The following LRRTM4 variants were observed in gnomAD, a reference collection of about 807,000 sequenced individuals.
The protein encoded by LRRTM4 is leucine-rich repeat transmembrane neuronal protein 4.
LRRTM4 carries 25 observed loss-of-function variants against 47.6 expected under a neutral mutation model. That is an observed-to-expected ratio of 0.53 (90% CI 0.38 to 0.73). LRRTM4 has a LOEUF of 0.73. Among genes scored for constraint, LRRTM4 ranks in the 30% least tolerant of loss-of-function variants. LRRTM4 has a pLI of 0.00. For synonymous variants in LRRTM4, 311 were observed against 269.5 expected, an observed-to-expected ratio of 1.15 and a Z score of -1.51; for missense variants, 638 against 713.4, an observed-to-expected ratio of 0.89 and a Z score of 1.20.
At chr2:77,266,857 T>G (rs1326570215) in intron 3 of LRRTM4, among the ~76,000 whole-genome samples, 1 of 152,068 alleles carries the variant, frequency 6.6e-6, no homozygotes, top group Non-Finnish European at 1.5e-5. Context: ...CACAGAGACC[T>G]TTCCCTCTTC....
intron 3 of LRRTM4, among the ~76,000 whole-genome samples, chr2:76,935,418 T>C (rs896133226): frequency 6.6e-6 from 1 of 152,150 alleles, no homozygotes; most frequent in Non-Finnish European, 1.5e-5. Context: ...GGGAATAGCA[T>C]TGCATCTATA....
At chr2:77,165,354 C>T (rs577237769) in intron 3 of LRRTM4, among the ~76,000 whole-genome samples, 1 of 152,124 alleles carries the variant, frequency 6.6e-6, no homozygotes, top group South Asian at 2.1e-4. Context: ...CCAGGACCGA[C>T]AGATTCACAG....
intron 3 of LRRTM4, among the ~76,000 whole-genome samples, chr2:76,839,851 T>C (rs1671621058): frequency 6.6e-6 from 1 of 152,158 alleles, no homozygotes; most frequent in Non-Finnish European, 1.5e-5. Context: ...AAGTATTTGT[T>C]CCTTGGGTAT....
chr2:77,507,768 T>A lies in LRRTM4; in HGVS notation c.1551+10550A>T, dbSNP rs72813109. On this transcript the variant is annotated intron_variant, in intron 3 of 3. Coordinates refer to ENST00000409884, the MANE Select transcript of LRRTM4 (RefSeq NM_001134745.3). ...TACAGAGGAAACAGCTACTATCAAA[T>A]TGGAATCCCTAAGAGCAATGCACAA... 7.1e-3 allele frequency among the ~76,000 whole-genome samples: 1,077 copies of A among 152,184 alleles called. 9 individuals carry two copies. Among genetic ancestry groups the A allele is most frequent in the Non-Finnish European group, 0.012 (843 of 68,012 alleles).
At chr2:77,370,338 T>C (rs952980534) in intron 3 of LRRTM4, among the ~76,000 whole-genome samples, 2 of 151,608 alleles carry the variant, frequency 1.3e-5, no homozygotes, top group African/African-American at 4.8e-5. Context: ...GAGTAGAAAA[T>C]AGAGAGCCCA....
chr2:77,162,381 C>G (rs754220364), intron 3 of LRRTM4, among the ~76,000 whole-genome samples: 5 of 152,312 alleles, frequency 3.3e-5, no homozygotes, highest in African/African-American at 1.2e-4. Flanking sequence ...CTTCTGTAGA[C>G]TCCACCTCTG....
intron 3 of LRRTM4, among the ~76,000 whole-genome samples, chr2:77,058,371 C>A (rs889969135): frequency 2.6e-5 from 4 of 152,022 alleles, no homozygotes; most frequent in African/African-American, 9.7e-5. Context: ...AGTCTACTGG[C>A]GAATTGGGGA....
intron 3 of LRRTM4, among the ~76,000 whole-genome samples, chr2:77,325,576 A>T (rs1373153625): frequency 6.6e-6 from 1 of 152,136 alleles, no homozygotes; most frequent in African/African-American, 2.4e-5. Flanking sequence ...AAGATATGTA[A>T]TTGGCAGTGA....
intron 3 of LRRTM4, among the ~76,000 whole-genome samples, chr2:76,814,194 ATTTG>A (rs1339895150): frequency 6.6e-6 from 1 of 152,092 alleles, no homozygotes; most frequent in Non-Finnish European, 1.5e-5. Context: ...TATTATTTCA[ATTTG>A]TTTATTTTAA....
At chr2:76,764,662 A>G (rs1673387810) in intron 3 of LRRTM4, among the ~76,000 whole-genome samples, 1 of 152,124 alleles carries the variant, frequency 6.6e-6, no homozygotes, top group South Asian at 2.1e-4. Flanking sequence ...ACAAAAAATT[A>G]TATAAACTGA....
chr2:76,902,550 T>A (rs1370795022), intron 3 of LRRTM4, among the ~76,000 whole-genome samples: 2 of 152,118 alleles, frequency 1.3e-5, no homozygotes, highest in Non-Finnish European at 2.9e-5. Flanking sequence ...TGTTAGAAAT[T>A]TGGGGGATAG....
At chr2:77,325,536 A>G (rs918638566) in intron 3 of LRRTM4, among the ~76,000 whole-genome samples, 1 of 152,176 alleles carries the variant, frequency 6.6e-6, no homozygotes, top group Non-Finnish European at 1.5e-5. Context: ...GAGAGAGAGT[A>G]GTGTGAGAGA....
chr2:76,756,766 AT>A (rs1452882822), intron 3 of LRRTM4, among the ~76,000 whole-genome samples: 1 of 152,110 alleles, frequency 6.6e-6, no homozygotes, highest in Non-Finnish European at 1.5e-5. Context: ...AGAAGCTATA[AT>A]AGAGAAAAAT....
At chr2:76,764,344 A>G (rs1317393097) in intron 3 of LRRTM4, among the ~76,000 whole-genome samples, 1 of 152,204 alleles carries the variant, frequency 6.6e-6, no homozygotes, top group African/African-American at 2.4e-5. Context: ...GAATTATATA[A>G]ACTGAGGCAG....
rs116187473 is a variant in LRRTM4, at chr2:77,411,904, A to C, written c.1551+106414T>G. Among the ~76,000 whole-genome samples, 773 of 152,230 alleles carry C rather than the reference A, an allele frequency of 5.1e-3. 9 individuals carry two copies. The highest frequency in any genetic ancestry group is 0.018 in the African/African-American group (750 of 41,536). ...AAAATCTCATCTTTATCTTTGAAGAACACTTGAACTACTGTCAGTGAGACC... is the reference window on the plus strand; with the variant it reads ...AAAATCTCATCTTTATCTTTGAAGACCACTTGAACTACTGTCAGTGAGACC... On this transcript the variant is annotated intron_variant, in intron 3 of 3. Coordinates refer to ENST00000409884, the MANE Select transcript of LRRTM4 (RefSeq NM_001134745.3).
chr2:76,879,935 A>C (rs1672881510), intron 3 of LRRTM4, among the ~76,000 whole-genome samples: 1 of 152,246 alleles, frequency 6.6e-6, no homozygotes, highest in Non-Finnish European at 1.5e-5. Flanking sequence ...CAGCGTAAGA[A>C]CTAGAGTTAA....
At position 77,093,439 on chromosome 2, in the gene LRRTM4, C is replaced by T. The variant is rs192633644; in HGVS notation, c.1552-344523G>A. Among the ~76,000 whole-genome samples the T allele has an allele frequency of 2.3e-3, 348 of 151,450 alleles. 1 individual carries two copies. Among genetic ancestry groups the T allele is most frequent in the Non-Finnish European group, 4.0e-3 (269 of 67,996 alleles). ...CCAGGCCATGACCAATCATTCTATACGACAAATGTTTCTTCTAACATCCCC... is the reference window on the plus strand; with the variant it reads ...CCAGGCCATGACCAATCATTCTATATGACAAATGTTTCTTCTAACATCCCC... On this transcript the variant is annotated intron_variant, in intron 3 of 3. Coordinates refer to ENST00000409884, the MANE Select transcript of LRRTM4 (RefSeq NM_001134745.3).
chr2:77,080,563 C>A (rs113735256), intron 3 of LRRTM4, among the ~76,000 whole-genome samples: 1,944 of 152,242 alleles, frequency 0.013, 14 homozygotes, highest in Non-Finnish European at 0.016. Flanking sequence ...CCAAATTGAC[C>A]TTTCTGGAAT....
At chr2:77,512,989 T>G (rs2104108247) in intron 3 of LRRTM4, among the ~76,000 whole-genome samples, 1 of 152,306 alleles carries the variant, frequency 6.6e-6, no homozygotes. Flanking sequence ...CCACTACCAT[T>G]TGTGAATTCT....
Sources: allele counts gnomAD v4.1 joint callset (sites outside exome capture counted in the v4.1 genomes callset), GRCh38; gene constraint gnomAD v4.1.1; transcripts MANE v1.5; gene names NCBI Gene and HGNC (gene_info 2026-07-23, HGNC 2026-07-21).